SEC14L2: variants seen among roughly 807,000 people sequenced by gnomAD.
The protein encoded by SEC14L2 is SEC14-like protein 2.
In SEC14L2, 50 loss-of-function variants were observed where a neutral mutation model predicts 56.9. The ratio of observed to expected loss-of-function variants is 0.88; its 90% confidence interval spans 0.70 to 1.11. The LOEUF is 1.11. SEC14L2 is among the 50% of genes most tolerant of loss of function. SEC14L2 has a pLI of 0.00. For missense variants in SEC14L2, 414 were observed against 500.7 expected (o/e 0.83, Z 1.65); for synonymous variants, 179 against 188.5 (o/e 0.95, Z 0.41).
At chr22:30,419,736 T>C (rs1292111983) in intron 11 of SEC14L2, among the ~76,000 whole-genome samples, 1 of 152,188 alleles carries the variant, frequency 6.6e-6, no homozygotes, top group East Asian at 1.9e-4. Context: ...CCCAATAATA[T>C]AACCCATCCT....
chr22:30,416,477 A>G (rs1191782205), intron 11 of SEC14L2, 74 bp downstream of exon 11: 4 of 1,611,454 alleles, frequency 2.5e-6, no homozygotes, highest in Non-Finnish European at 8.5e-7. Context: ...CTCTTCCTCC[A>G]TGGATTTTTG....
Position 30,409,160 on chromosome 22 carries a change from A to G in SEC14L2, c.424-27A>G, listed in dbSNP as rs758243107. 6.2e-6 allele frequency: 10 copies of G among 1,601,858 alleles called. No individual in the cohort carries two copies. The South Asian group carries it at 1.1e-4, about 18-fold the overall frequency. On this transcript the variant is annotated intron_variant, in intron 5 of 11. Transcript: ENST00000615189. ...GCTTCTGAAGTAGGACAGCCTGACA[A>G]GACTTCCTGCTCTCTGTTCCCTGCA...
At chr22:30,411,728 CAG>C (rs1483694679) in intron 8 of SEC14L2, among the ~76,000 whole-genome samples, 1 of 72,090 alleles carries the variant, frequency 1.4e-5, no homozygotes, top group East Asian at 4.7e-4. Context: ...GCCTGGGCAA[CAG>C]AGACTCCGTC....
intron 3 of SEC14L2, among the ~76,000 whole-genome samples, 190 bp downstream of exon 3, chr22:30,406,575 C>G (rs35092409): frequency 0.053 from 8,121 of 152,212 alleles, 282 homozygotes; most frequent in Middle Eastern, 0.085. Flanking sequence ...AGCTCTGGGC[C>G]AGCCAAGAAT....
In SEC14L2 at chr22:30,411,378, T is replaced by G. The variant is rs61118649; in HGVS notation, c.664+699T>G. ...AAGGTTGCTTTCAGTTGGGGAAAAC[T>G]AGGAGCAGCTTCATTTGACAAGCAC... On this transcript the variant is annotated intron_variant, in intron 8 of 11. Coordinates refer to ENST00000615189, the MANE Select transcript of SEC14L2 (RefSeq NM_012429.5). Among the ~76,000 whole-genome samples, 233 of 152,252 alleles carry G rather than the reference T, an allele frequency of 1.5e-3. 1 individual carries two copies. The highest frequency in any genetic ancestry group is 5.3e-3 in the African/African-American group (222 of 41,538).
intron 8 of SEC14L2, among the ~76,000 whole-genome samples, chr22:30,412,872 T>C (rs147355011): frequency 7.6e-5 from 11 of 144,198 alleles, no homozygotes; most frequent in African/African-American, 2.8e-4. Context: ...AAAAAACTTA[T>C]ATAGAAAGTA....
At chr22:30,402,314 A>C (rs1339198883) in intron 2 of SEC14L2, among the ~76,000 whole-genome samples, 2 of 152,092 alleles carry the variant, frequency 1.3e-5, no homozygotes, top group African/African-American at 4.8e-5. Flanking sequence ...TTGGGGGAGA[A>C]GCATGGTTTC....
rs1454867938 is a variant in SEC14L2 at position 30,424,018 on chromosome 22, C to T, written c.*1611C>T. 2 of 152,320 alleles carry T rather than the reference C, an allele frequency of 1.3e-5. No individual in the cohort carries two copies. Among genetic ancestry groups the T allele is most frequent in the African/African-American group, 4.8e-5 (2 of 41,462 alleles). The allele number at this position is 152,320 out of a possible 1,614,324, so 9.4% of individuals were successfully genotyped here. On this transcript the variant is annotated 3_prime_UTR_variant, in exon 12 of 12. Coordinates refer to ENST00000615189, the MANE Select transcript of SEC14L2 (RefSeq NM_012429.5). ...AGCTTTCCCAAGGGGCCACGCCCAGCTTGCCTTCTGATTGGTCCAGCTGGT... is the reference window on the plus strand; with the variant it reads ...AGCTTTCCCAAGGGGCCACGCCCAGTTTGCCTTCTGATTGGTCCAGCTGGT...
At chr22:30,398,819 G>A (rs983115007) in intron 1 of SEC14L2, 21 of 469,580 alleles carry the variant, frequency 4.5e-5, no homozygotes, top group Middle Eastern at 4.0e-4. Flanking sequence ...ACAGACCCGG[G>A]TTTGCATCCC....
At chr22:30,406,195 T>C in intron 2 of SEC14L2, 147 bp from the exon 3 acceptor site, 1 of 688,734 alleles carries the variant, frequency 1.5e-6, no homozygotes, top group Non-Finnish European at 2.4e-6. Flanking sequence ...GCTCTCATGT[T>C]AGCTTCTGCT....
At position 30,423,744 on chromosome 22, in the gene SEC14L2, T is replaced by C. The variant is rs909187354; in HGVS notation, c.*1337T>C. ...AGCGCGGACCGGAAGGGGCCGAGGC[T>C]GCACGGGCCTCTGCCAGAACGCTCA... On this transcript the variant is annotated 3_prime_UTR_variant, in exon 12 of 12. Transcript: ENST00000615189. The C allele has an allele frequency of 2.0e-5, 3 of 152,316 alleles. No individual in the cohort carries two copies. Among genetic ancestry groups the C allele is most frequent in the Non-Finnish European group, 4.4e-5 (3 of 68,090 alleles). 9.4% of individuals were successfully genotyped at this position (152,316 alleles called of 1,614,324 possible).
chr22:30,402,552 G>C (rs1933968678), intron 2 of SEC14L2, among the ~76,000 whole-genome samples: 1 of 152,128 alleles, frequency 6.6e-6, no homozygotes, highest in Non-Finnish European at 1.5e-5. Flanking sequence ...ATGCGAAGCA[G>C]AATCAGGGCA....
intron 2 of SEC14L2, among the ~76,000 whole-genome samples, chr22:30,404,030 G>GA (rs5844905): frequency 0.024 from 2,120 of 87,318 alleles, 20 homozygotes; most frequent in African/African-American, 0.043. Context: ...AAAAAAAAAA[G>GA]AAAAAAAAAA....
rs780673295 is a variant in SEC14L2 at position 30,397,131 on chromosome 22, C to T, written c.15C>T (p.Val5=). The T allele has an allele frequency of 5.2e-6, 8 of 1,547,734 alleles. No individual in the cohort carries two copies. In the African/African-American group the frequency reaches 8.3e-5, roughly 16 times the overall value. Reference sequence around the variant, plus strand: ...GTTGAGCCACGATGAGCGGCAGAGTCGGCGATCTGAGCCCCAGGCAGAAGG... The same window carrying T: ...GTTGAGCCACGATGAGCGGCAGAGTTGGCGATCTGAGCCCCAGGCAGAAGG... MSGR[V]GDLSPRQKEA... Residue 5 remains valine (V), a synonymous_variant, in exon 1 of 12, where the codon GTC becomes GTT. Transcript: ENST00000615189.
chr22:30,418,082 CTGTT>C (rs1934431971), intron 11 of SEC14L2, among the ~76,000 whole-genome samples: 1 of 152,012 alleles, frequency 6.6e-6, no homozygotes, highest in South Asian at 2.1e-4. Context: ...ATTTTTTTGT[CTGTT>C]TCTTTGTTTT....
In SEC14L2 at chr22:30,422,549, C is replaced by T; in HGVS notation, c.*142C>T. 1 of 1,059,978 alleles carries T rather than the reference C, an allele frequency of 9.4e-7. No homozygotes were observed. The highest frequency in any genetic ancestry group is 1.3e-6 in the Non-Finnish European group (1 of 746,272). The allele number at this position is 1,059,978 out of a possible 1,614,324, so 65.7% of individuals were successfully genotyped here. On this transcript the variant is annotated 3_prime_UTR_variant, in exon 12 of 12. Transcript: ENST00000615189. ...CTCAGGAGCTTTCATTTCAGTTAGG[C>T]AGAGGAAGAGCGACTGCAGTGGGTC...
intron 8 of SEC14L2, among the ~76,000 whole-genome samples, chr22:30,415,192 G>A (rs2146035728): frequency 6.6e-6 from 1 of 152,306 alleles, no homozygotes; most frequent in East Asian, 1.9e-4. Context: ...AGCACTTTGG[G>A]AGGCCGAGGT....
intron 7 of SEC14L2, 141 bp downstream of exon 7, chr22:30,409,627 C>T (rs1434177991): frequency 4.8e-6 from 4 of 835,770 alleles, no homozygotes; most frequent in Non-Finnish European, 7.9e-6. Flanking sequence ...TGCTAGTGTG[C>T]TGGCTCACGC....
rs990841875 is a variant in SEC14L2 at position 30,424,153 on chromosome 22, C to G, written c.*1746C>G. On this transcript the variant is annotated 3_prime_UTR_variant, in exon 12 of 12. Coordinates refer to ENST00000615189, the MANE Select transcript of SEC14L2 (RefSeq NM_012429.5). ...GCTGCTCAGTACGTGCCGCGTAGCC[C>G]GTGCGAGCCAAGTGTGAGTCCGGGC... The G allele has an allele frequency of 6.4e-6, 1 of 155,742 alleles. No individual in the cohort carries two copies. Among genetic ancestry groups the G allele is most frequent in the African/African-American group, 2.4e-5 (1 of 41,456 alleles). 9.6% of individuals were successfully genotyped at this position (155,742 alleles called of 1,614,324 possible). A position where few individuals can be genotyped will look rare whatever the true frequency, so the allele number is the denominator to read the frequency against.
Sources: gnomAD v4.1 joint callset for allele counts (sites outside exome capture counted in the v4.1 genomes callset) on GRCh38, gnomAD v4.1.1 for gene constraint, MANE v1.5 for transcripts, NCBI Gene and HGNC (gene_info 2026-07-23, HGNC 2026-07-21) for gene names.